Variants in MACROD2 observed in about 807,000 individuals in gnomAD.
MACROD2 encodes the protein ADP-ribose glycohydrolase MACROD2.
Under a neutral mutation model 70.4 loss-of-function variants are expected in MACROD2, and 36 were observed. That is an observed-to-expected ratio of 0.51 (90% CI 0.39 to 0.68). The LOEUF (loss-of-function observed/expected upper bound fraction) is 0.68, where lower values mean the gene tolerates loss of function less well. Ranked by LOEUF, MACROD2 falls within the 30% of genes least tolerant of loss-of-function variation. The pLI, the probability that MACROD2 is intolerant of heterozygous loss-of-function variation, is 0.00. For missense variants in MACROD2, 496 were observed against 538.4 expected, an observed-to-expected ratio of 0.92 and a Z score of 0.78; for synonymous variants, 172 against 178.8, an observed-to-expected ratio of 0.96 and a Z score of 0.30.
chr20:14,025,981 G>C (rs920415267), intron 2 of MACROD2, among the ~76,000 whole-genome samples: 2 of 152,178 alleles, frequency 1.3e-5, no homozygotes, highest in African/African-American at 4.8e-5. Flanking sequence ...GGGAGTCTAA[G>C]TCTCTTTATA....
intron 3 of MACROD2, among the ~76,000 whole-genome samples, chr20:14,254,603 C>T (rs183795849): frequency 8.2e-4 from 125 of 152,064 alleles, no homozygotes; most frequent in Non-Finnish European, 1.3e-3. Context: ...CTAGTTTTCC[C>T]TACGAAATAC....
At chr20:15,845,370 G>A (rs1193757345) in intron 8 of MACROD2, among the ~76,000 whole-genome samples, 1 of 152,008 alleles carries the variant, frequency 6.6e-6, no homozygotes, top group Non-Finnish European at 1.5e-5. Context: ...TCAGTAACTA[G>A]GATGTTTACT....
At chr20:15,390,296 C>T (rs1205530600) in intron 6 of MACROD2, among the ~76,000 whole-genome samples, 2 of 152,284 alleles carry the variant, frequency 1.3e-5, no homozygotes, top group East Asian at 3.9e-4. Flanking sequence ...GGGATGTTCT[C>T]CAAACCCCCT....
At chr20:15,038,159 A>G (rs972421817) in intron 5 of MACROD2, among the ~76,000 whole-genome samples, 2 of 152,234 alleles carry the variant, frequency 1.3e-5, no homozygotes, top group Non-Finnish European at 2.9e-5. Context: ...CATTATTAGC[A>G]CATAAGAAAT....
chr20:14,419,688 T>C (rs1365406454), intron 3 of MACROD2, among the ~76,000 whole-genome samples: 1 of 152,190 alleles, frequency 6.6e-6, no homozygotes, highest in Admixed American at 6.5e-5. Context: ...AATAGAACAA[T>C]TTAAATAAAA....
At chr20:14,404,572 G>T (rs1327869744) in intron 3 of MACROD2, among the ~76,000 whole-genome samples, 2 of 149,938 alleles carry the variant, frequency 1.3e-5, no homozygotes, top group Admixed American at 1.4e-4. Context: ...ACTCCAGCCG[G>T]GGTGACAAAG....
intron 9 of MACROD2, among the ~76,000 whole-genome samples, chr20:15,875,119 AAGCAGCCT>A: frequency 6.6e-6 from 1 of 152,250 alleles, no homozygotes; most frequent in Non-Finnish European, 1.5e-5. Context: ...CCAGAAAGGA[AAGCAGCCT>A]AGCTGATATG....
intron 15 of MACROD2, among the ~76,000 whole-genome samples, chr20:15,990,403 A>C (rs1041305726): frequency 5.3e-5 from 8 of 152,180 alleles, no homozygotes; most frequent in African/African-American, 9.6e-5. Flanking sequence ...AACTATATCA[A>C]CATCGAGTTA....
At chr20:14,975,987 C>G (rs1485922215) in intron 5 of MACROD2, among the ~76,000 whole-genome samples, 3 of 152,236 alleles carry the variant, frequency 2.0e-5, no homozygotes, top group East Asian at 3.9e-4. Flanking sequence ...GGCGTTAACA[C>G]CCTCTGCAGA....
chr20:15,705,500 A>T (rs6110753), intron 8 of MACROD2, among the ~76,000 whole-genome samples: 8,808 of 152,182 alleles, frequency 0.058, 325 homozygotes, highest in African/African-American at 0.11. Context: ...GCTCACTGGA[A>T]CCTCGGCCTC....
At chr20:14,309,266 AT>A (rs1316098751) in intron 3 of MACROD2, among the ~76,000 whole-genome samples, 1 of 152,176 alleles carries the variant, frequency 6.6e-6, no homozygotes, top group African/African-American at 2.4e-5. Context: ...TTACTATAAT[AT>A]TCGAATAACT....
At chr20:14,894,903 C>T (rs2073809712) in intron 5 of MACROD2, 1 of 152,062 alleles carries the variant, frequency 6.6e-6, no homozygotes, top group Non-Finnish European at 1.5e-5. Flanking sequence ...GACTAATGCA[C>T]ACTGATTTTC....
intron 15 of MACROD2, among the ~76,000 whole-genome samples, chr20:15,996,985 C>T (rs1325872981): frequency 6.6e-6 from 1 of 152,174 alleles, no homozygotes. Context: ...GTGTTCTTGA[C>T]ATCCTTGTCA....
intron 8 of MACROD2, among the ~76,000 whole-genome samples, chr20:15,748,838 GTATATACT>G (rs1568539505): frequency 1.3e-5 from 2 of 152,164 alleles, no homozygotes; most frequent in East Asian, 3.9e-4. Flanking sequence ...TGACAAACAC[GTATATACT>G]GTGTGGGGAG....
chr20:14,112,529 CA>C (rs1214376316), intron 3 of MACROD2, among the ~76,000 whole-genome samples: 8 of 151,652 alleles, frequency 5.3e-5, no homozygotes, highest in Admixed American at 5.3e-4. Context: ...AAAATTGAAA[CA>C]TTTTTGATGT....
chr20:15,062,141 G>C (rs545235583), intron 5 of MACROD2, among the ~76,000 whole-genome samples: 29 of 152,248 alleles, frequency 1.9e-4, no homozygotes, highest in African/African-American at 7.0e-4. Context: ...AAGGAATTTG[G>C]CCTTGTGCGT....
At chr20:14,841,504 A>C (rs909800139) in intron 5 of MACROD2, among the ~76,000 whole-genome samples, 1 of 148,440 alleles carries the variant, frequency 6.7e-6, no homozygotes, top group Non-Finnish European at 1.5e-5. Context: ...ACCTGAGATT[A>C]CCTTTCAAGT....
intron 8 of MACROD2, among the ~76,000 whole-genome samples, chr20:15,635,246 T>C (rs951005509): frequency 1.3e-5 from 2 of 152,214 alleles, no homozygotes; most frequent in African/African-American, 4.8e-5. Flanking sequence ...GTTTACTGAG[T>C]ATCTATTAAA....
At chr20:15,233,753 A>G (rs961653155) in intron 6 of MACROD2, among the ~76,000 whole-genome samples, 1 of 151,328 alleles carries the variant, frequency 6.6e-6, no homozygotes, top group Non-Finnish European at 1.5e-5. Flanking sequence ...TTAGTGCTTA[A>G]TATCAGGAAA....
Sources: gnomAD v4.1 joint callset for allele counts (sites outside exome capture counted in the v4.1 genomes callset) on GRCh38, gnomAD v4.1.1 for gene constraint, MANE v1.5 for transcripts, NCBI Gene and HGNC (gene_info 2026-07-23, HGNC 2026-07-21) for gene names.